The following XPO6 variants were observed in gnomAD, a reference collection of about 807,000 sequenced individuals.
XPO6 encodes exportin-6.
Under a neutral mutation model 130.0 loss-of-function variants are expected in XPO6, and 3 were observed. The ratio of observed to expected loss-of-function variants is 0.02; its 90% confidence interval spans 0.01 to 0.06. XPO6 has a LOEUF of 0.06. XPO6 is among the 10% of genes least tolerant of loss of function. XPO6 has a pLI of 1.00. For missense variants in XPO6, 970 were observed against 1,393.0 expected (o/e 0.70, Z 4.83); for synonymous variants, 524 against 548.9 (o/e 0.95, Z 0.63).
chr16:28,197,766 A>C (rs1237082532), intron 1 of XPO6, among the ~76,000 whole-genome samples: 1 of 151,788 alleles, frequency 6.6e-6, no homozygotes, highest in Non-Finnish European at 1.5e-5. Context: ...AATACAAAAA[A>C]AAATTAGCCA....
intron 4 of XPO6, 47 bp from the exon 5 acceptor site, chr16:28,169,956 T>C: frequency 3.1e-6 from 5 of 1,603,236 alleles, no homozygotes; most frequent in South Asian, 2.2e-5. Flanking sequence ...ACTAATAAAG[T>C]ACAAAGAGGA....
rs186593207 is a variant in XPO6, at chr16:28,198,369, T to C, written c.3+12997A>G. Among the ~76,000 whole-genome samples the C allele has an allele frequency of 5.1e-4, 78 of 152,152 alleles. 1 individual carries two copies. The highest frequency in any genetic ancestry group is 1.8e-3 in the African/African-American group (74 of 41,504). ...TTATCAAATATTCTAGAGTTCAAAA[T>C]ACTTTTTACAATCAGGATAATAACA... On this transcript the variant is annotated intron_variant, in intron 1 of 23. Transcript: ENST00000304658.
chr16:28,125,574 C>T, intron 13 of XPO6, 115 bp downstream of exon 13: 1 of 1,358,328 alleles, frequency 7.4e-7, no homozygotes. Flanking sequence ...GTGGCAGAGC[C>T]TAGATTTACC....
At chr16:28,192,994 T>C (rs1290748730) in intron 1 of XPO6, among the ~76,000 whole-genome samples, 1 of 152,114 alleles carries the variant, frequency 6.6e-6, no homozygotes, top group Non-Finnish European at 1.5e-5. Context: ...CCCCGCAAGC[T>C]CCTGGAGCAT....
At chr16:28,142,517 T>C (rs1424250377) in intron 9 of XPO6, among the ~76,000 whole-genome samples, 1 of 152,192 alleles carries the variant, frequency 6.6e-6, no homozygotes, top group Non-Finnish European at 1.5e-5. Flanking sequence ...CAGACGGTGG[T>C]TACTATTTAA....
At chr16:28,172,363 A>G (rs2043462397) in intron 4 of XPO6, among the ~76,000 whole-genome samples, 1 of 152,156 alleles carries the variant, frequency 6.6e-6, no homozygotes, top group Admixed American at 6.5e-5. Context: ...TCTAGCGTGA[A>G]CTTCTGAAAA....
chr16:28,118,769 C>A (rs940232218), intron 14 of XPO6, among the ~76,000 whole-genome samples: 2 of 152,184 alleles, frequency 1.3e-5, no homozygotes, highest in African/African-American at 4.8e-5. Flanking sequence ...AGGAAGAACC[C>A]TTTCAAGCTG....
chr16:28,128,863 C>T (rs148647084), intron 12 of XPO6, among the ~76,000 whole-genome samples: 1 of 152,224 alleles, frequency 6.6e-6, no homozygotes, highest in Non-Finnish European at 1.5e-5. Flanking sequence ...AAGCCAAAGC[C>T]TGCTGACAGC....
chr16:28,168,242 T>C (rs1050825445), intron 5 of XPO6, among the ~76,000 whole-genome samples: 4 of 152,148 alleles, frequency 2.6e-5, no homozygotes, highest in Non-Finnish European at 5.9e-5. Flanking sequence ...TTCAGCACTT[T>C]GGGAGGCTAA....
intron 13 of XPO6, 129 bp downstream of exon 13, chr16:28,125,560 G>A: frequency 8.5e-7 from 1 of 1,174,882 alleles, no homozygotes; most frequent in Non-Finnish European, 1.2e-6. Context: ...CTATCAGCTT[G>A]TATGTGGCAG....
chr16:28,142,706 G>A (rs963993555), intron 9 of XPO6, among the ~76,000 whole-genome samples: 1 of 152,132 alleles, frequency 6.6e-6, no homozygotes, highest in Non-Finnish European at 1.5e-5. Context: ...GAGTAGCCGG[G>A]ACTACAGGCA....
chr16:28,139,137 G>A (rs1023942212), intron 9 of XPO6, among the ~76,000 whole-genome samples: 2 of 152,208 alleles, frequency 1.3e-5, no homozygotes, highest in African/African-American at 4.8e-5. Flanking sequence ...ATAAAGTTAT[G>A]TGAGGTCAAA....
intron 5 of XPO6, among the ~76,000 whole-genome samples, 197 bp downstream of exon 5, chr16:28,169,553 G>A (rs1171323567): frequency 6.6e-6 from 1 of 152,184 alleles, no homozygotes. Context: ...AGACTACGAG[G>A]AAAATAAGGT....
At chr16:28,207,424 A>G (rs8048689) in intron 1 of XPO6, among the ~76,000 whole-genome samples, 8,942 of 152,216 alleles carry the variant, frequency 0.059, 664 homozygotes, top group East Asian at 0.17. Context: ...AGTAGTGGGA[A>G]CCTCTAACAT....
intron 21 of XPO6, 72 bp from the exon 22 acceptor site, chr16:28,102,017 G>A (rs1236028341): frequency 3.8e-6 from 5 of 1,325,984 alleles, no homozygotes; most frequent in East Asian, 2.3e-5. Context: ...CATGTCAGAA[G>A]AACAAGTGCC....
chr16:28,125,106 G>A (rs1300693989), intron 13 of XPO6, among the ~76,000 whole-genome samples: 2 of 152,216 alleles, frequency 1.3e-5, no homozygotes, highest in Non-Finnish European at 2.9e-5. Context: ...GACCCAAGAG[G>A]AAGGAGAAGA....
At chr16:28,151,574 G>T (rs946993224) in intron 8 of XPO6, among the ~76,000 whole-genome samples, 8 of 152,182 alleles carry the variant, frequency 5.3e-5, no homozygotes, top group African/African-American at 1.7e-4. Context: ...GGAAGTGATT[G>T]GAAAGGACAT....
In XPO6 at chr16:28,174,908, A is replaced by G. The variant is rs141533471; in HGVS notation, c.405+990T>C. On this transcript the variant is annotated intron_variant, in intron 4 of 23. Transcript: ENST00000304658. ...TGATCACAGGATTCAAATGAGCAAC[A>G]GCATCTCCCTCGTAGCTTTTAGGTC... Among the ~76,000 whole-genome samples, 684 of 152,290 alleles carry G rather than the reference A, an allele frequency of 4.5e-3. 6 individuals carry two copies. The highest frequency in any genetic ancestry group is 0.016 in the African/African-American group (664 of 41,544).
At chr16:28,200,138 C>T (rs569613612) in intron 1 of XPO6, among the ~76,000 whole-genome samples, 2 of 148,132 alleles carry the variant, frequency 1.4e-5, no homozygotes, top group East Asian at 4.2e-4. Context: ...CTGGGCGAAA[C>T]AGAGGGAGAC....
Sources: gnomAD v4.1 joint callset for allele counts (sites outside exome capture counted in the v4.1 genomes callset) on GRCh38, gnomAD v4.1.1 for gene constraint, MANE v1.5 for transcripts, NCBI Gene and HGNC (gene_info 2026-07-23, HGNC 2026-07-21) for gene names.